Variants in MYO3B observed in about 807,000 individuals in gnomAD.
MYO3B encodes myosin-IIIb.
MYO3B carries 156 observed loss-of-function variants against 174.6 expected under a neutral mutation model. The ratio of observed to expected loss-of-function variants is 0.89; its 90% CI spans 0.78 to 1.02. The LOEUF is 1.02. MYO3B is among the 50% of genes least tolerant of loss of function. MYO3B has a pLI of 0.00. For missense variants in MYO3B, 1,632 were observed against 1,639.4 expected (o/e 1.00, Z 0.08); for synonymous variants, 563 against 569.1 (o/e 0.99, Z 0.15).
intron 7 of MYO3B, among the ~76,000 whole-genome samples, chr2:170,301,947 A>G (rs938149020): frequency 4.9e-5 from 7 of 142,398 alleles, no homozygotes; most frequent in African/African-American, 1.8e-4. Context: ...AATTAGAGCC[A>G]GCAGCAGGAG....
chr2:170,304,951 A>G (rs1262721080), intron 7 of MYO3B, among the ~76,000 whole-genome samples: 1 of 151,356 alleles, frequency 6.6e-6, no homozygotes, highest in African/African-American at 2.4e-5. Flanking sequence ...TAAATCTGTC[A>G]ATTTTTCCCT....
At chr2:170,284,721 T>A (rs2105401705) in intron 7 of MYO3B, among the ~76,000 whole-genome samples, 1 of 152,316 alleles carries the variant, frequency 6.6e-6, no homozygotes, top group Admixed American at 6.5e-5. Flanking sequence ...AAATAACGTT[T>A]TGAGAAAAAG....
At chr2:170,420,078 G>C (rs918407636) in intron 22 of MYO3B, among the ~76,000 whole-genome samples, 2 of 152,034 alleles carry the variant, frequency 1.3e-5, no homozygotes, top group African/African-American at 4.8e-5. Context: ...AGCTACTCGC[G>C]AGGCTGAGGT....
chr2:170,638,091 CCTCTCTCTCTCTCT>C (rs574364783), intron 32 of MYO3B, among the ~76,000 whole-genome samples: 1 of 149,002 alleles, frequency 6.7e-6, no homozygotes, highest in South Asian at 2.1e-4. Flanking sequence ...TCTCTCTCTC[CCTCTCTCTCTCTCT>C]CTCTCACACA....
intron 25 of MYO3B, among the ~76,000 whole-genome samples, chr2:170,498,359 T>C (rs141870667): frequency 5.3e-4 from 81 of 152,256 alleles, no homozygotes; most frequent in African/African-American, 1.9e-3. Context: ...TGAATATGAA[T>C]TACAAAGCAA....
At chr2:170,295,190 A>G (rs2093621524) in intron 7 of MYO3B, among the ~76,000 whole-genome samples, 1 of 151,802 alleles carries the variant, frequency 6.6e-6, no homozygotes. Context: ...TATCTTGTAA[A>G]TGACATGTAT....
At chr2:170,357,556 T>G (rs188166777) in intron 8 of MYO3B, among the ~76,000 whole-genome samples, 1 of 152,006 alleles carries the variant, frequency 6.6e-6, no homozygotes, top group African/African-American at 2.4e-5. Context: ...TTTGCTTCAT[T>G]TTTCTGTTTG....
chr2:170,402,513 T>C (rs529062895), intron 18 of MYO3B, among the ~76,000 whole-genome samples: 3 of 152,228 alleles, frequency 2.0e-5, no homozygotes, highest in African/African-American at 7.2e-5. Context: ...GTTATCCTTG[T>C]GGGTAGATAG....
At chr2:170,602,294 G>A (rs1181357933) in intron 32 of MYO3B, 11 of 730,116 alleles carry the variant, frequency 1.5e-5, no homozygotes, top group Admixed American at 9.1e-5. Flanking sequence ...CACTTGCCCC[G>A]GCACTGTCTC....
chr2:170,498,767 A>C, intron 26 of MYO3B, 64 bp downstream of exon 26: 2 of 1,072,014 alleles, frequency 1.9e-6, no homozygotes, highest in Non-Finnish European at 2.9e-6. Flanking sequence ...CAGTGATGTC[A>C]CTGGCATGAA....
At chr2:170,484,525 T>C (rs73975670) in intron 25 of MYO3B, among the ~76,000 whole-genome samples, 206 of 152,334 alleles carry the variant, frequency 1.4e-3, no homozygotes, top group African/African-American at 3.4e-3. Context: ...TAGGGGCCTC[T>C]CATTTAAAGT....
At chr2:170,564,629 C>A (rs961664209) in intron 32 of MYO3B, among the ~76,000 whole-genome samples, 5 of 151,886 alleles carry the variant, frequency 3.3e-5, no homozygotes, top group African/African-American at 7.3e-5. Flanking sequence ...TATAAAGATA[C>A]AATTTTTATA....
intron 3 of MYO3B, among the ~76,000 whole-genome samples, chr2:170,213,737 C>T (rs764592441): frequency 1.3e-5 from 2 of 152,100 alleles, no homozygotes; most frequent in Non-Finnish European, 2.9e-5. Context: ...TTTTTAATTA[C>T]AGACAAAAAA....
rs1683390173 is a variant in MYO3B, at chr2:170,448,465, T to C, written c.2730+4419T>C. 3.9e-5 allele frequency among the ~76,000 whole-genome samples: 6 copies of C among 152,304 alleles called. No homozygotes were observed. In the South Asian group the frequency reaches 1.2e-3, roughly 32 times the overall value. On this transcript the variant is annotated intron_variant, in intron 23 of 34. Coordinates refer to ENST00000408978, the MANE Select transcript of MYO3B (RefSeq NM_138995.5). ...ACATCTTCCTGCTGAACAGGGGGCA[T>C]AGTGGGGTTAGGTATTGACCCCTAG...
intron 25 of MYO3B, among the ~76,000 whole-genome samples, chr2:170,479,778 C>A (rs1048619401): frequency 2.0e-5 from 3 of 147,076 alleles, no homozygotes; most frequent in Non-Finnish European, 4.5e-5. Context: ...TGAATGTTAA[C>A]TTTGTAATAA....
intron 25 of MYO3B, among the ~76,000 whole-genome samples, chr2:170,475,570 A>G (rs545189581): frequency 6.6e-6 from 1 of 152,224 alleles, no homozygotes; most frequent in South Asian, 2.1e-4. Flanking sequence ...TCTCCTTTTG[A>G]GTATTTCCTG....
At chr2:170,193,155 A>AT (rs1257302479) in intron 1 of MYO3B, among the ~76,000 whole-genome samples, 1 of 151,816 alleles carries the variant, frequency 6.6e-6, no homozygotes, top group Non-Finnish European at 1.5e-5. Context: ...GCTTTTATGA[A>AT]TTTTGACATA....
chr2:170,391,038 A>C (rs893083679), intron 14 of MYO3B, among the ~76,000 whole-genome samples: 1 of 152,146 alleles, frequency 6.6e-6, no homozygotes, highest in African/African-American at 2.4e-5. Context: ...CATTTTGAGT[A>C]GTACTTTTAA....
Position 170,654,381 on chromosome 2 carries a change from T to G in MYO3B, c.*1260T>G, listed in dbSNP as rs1018458647. On this transcript the variant is annotated 3_prime_UTR_variant, in exon 35 of 35. Coordinates refer to ENST00000408978, the MANE Select transcript of MYO3B (RefSeq NM_138995.5). The stretch of plus-strand genomic sequence containing the variant: ...AGCCGGGTGCGGTGGCTCAGGCCTG[T>G]AATCCCAGCACTTTGGGAGGCCAAG... 6.6e-6 allele frequency: 1 copy of G among 152,220 alleles called. No homozygotes were observed. Among genetic ancestry groups the G allele is most frequent in the Middle Eastern group, 3.4e-3 (1 of 294 alleles). The allele number at this position is 152,220 out of a possible 1,614,324, so 9.4% of individuals were successfully genotyped here.
Sources: gnomAD v4.1 joint callset for allele counts (sites outside exome capture counted in the v4.1 genomes callset) on GRCh38, gnomAD v4.1.1 for gene constraint, MANE v1.5 for transcripts, NCBI Gene and HGNC (gene_info 2026-07-23, HGNC 2026-07-21) for gene names.